The following CTNND2 variants were observed in gnomAD, a reference collection of about 807,000 sequenced individuals.
CTNND2 encodes catenin delta 2.
In CTNND2, 22 loss-of-function variants were observed where a neutral mutation model predicts 144.4. That is an observed-to-expected ratio of 0.15 (90% CI 0.11 to 0.22). The LOEUF (loss-of-function observed/expected upper bound fraction) is 0.22. CTNND2 is among the 10% of genes least tolerant of loss of function. The pLI is 1.00. For synonymous variants in CTNND2, 751 were observed against 695.6 expected, an observed-to-expected ratio of 1.08 and a Z score of -1.25; for missense variants, 1,353 against 1,618.8, an observed-to-expected ratio of 0.84 and a Z score of 2.82.
chr5:11,142,209 C>G (rs1756802322), intron 12 of CTNND2, among the ~76,000 whole-genome samples: 2 of 152,266 alleles, frequency 1.3e-5, no homozygotes, highest in East Asian at 3.9e-4. Flanking sequence ...ATAACTTGCT[C>G]AAATGAAAAG....
chr5:11,571,018 G>A (rs1055718687), intron 2 of CTNND2, among the ~76,000 whole-genome samples: 2 of 151,420 alleles, frequency 1.3e-5, no homozygotes, highest in African/African-American at 4.9e-5. Context: ...ATAATTCATT[G>A]CTATTATTAT....
chr5:11,792,716 T>C (rs867231221), intron 1 of CTNND2, among the ~76,000 whole-genome samples: 36 of 152,346 alleles, frequency 2.4e-4, no homozygotes, highest in African/African-American at 7.2e-4. Flanking sequence ...CTTTTAATTA[T>C]CAAATTCCAT....
intron 3 of CTNND2, among the ~76,000 whole-genome samples, chr5:11,509,111 A>G (rs1771378174): frequency 6.6e-6 from 1 of 152,192 alleles, no homozygotes; most frequent in Non-Finnish European, 1.5e-5. Flanking sequence ...AAACCCAATC[A>G]ACTGCTTTAA....
chr5:11,860,388 T>C (rs1248178723), intron 1 of CTNND2, among the ~76,000 whole-genome samples: 1 of 152,238 alleles, frequency 6.6e-6, no homozygotes, highest in East Asian at 1.9e-4. Flanking sequence ...TTTTAAAAGA[T>C]ACATAATCCC....
chr5:11,433,649 G>A (rs1441611689), intron 3 of CTNND2, among the ~76,000 whole-genome samples: 3 of 152,108 alleles, frequency 2.0e-5, no homozygotes, highest in Admixed American at 2.0e-4. Flanking sequence ...GGTGTGGGTA[G>A]GTGCCACACA....
At chr5:11,129,041 ATTATATATAAATAAAATATATATT>A (rs1755129899) in intron 12 of CTNND2, among the ~76,000 whole-genome samples, 9 of 30,738 alleles carry the variant, frequency 2.9e-4, no homozygotes, top group African/African-American at 6.3e-4. Context: ...ATAAATATAT[ATTATATATAAATAAAATATATATT>A]TTATATATAA....
At chr5:11,417,985 A>G (rs1762054560) in intron 3 of CTNND2, among the ~76,000 whole-genome samples, 1 of 152,194 alleles carries the variant, frequency 6.6e-6, no homozygotes, top group Non-Finnish European at 1.5e-5. Flanking sequence ...GAAAATGCAT[A>G]TTATGAAAAA....
intron 16 of CTNND2, among the ~76,000 whole-genome samples, chr5:11,044,563 T>A (rs1054556076): frequency 4.6e-5 from 7 of 150,578 alleles, no homozygotes; most frequent in Admixed American, 2.0e-4. Context: ...TATATATATA[T>A]AAATGGGTTG....
chr5:11,699,579 C>T (rs1441089793), intron 2 of CTNND2, among the ~76,000 whole-genome samples: 2 of 151,884 alleles, frequency 1.3e-5, no homozygotes, highest in African/African-American at 2.4e-5. Context: ...TAATATTCCT[C>T]GGGGATATCA....
At position 11,903,267 on chromosome 5, in the gene CTNND2, G is replaced by A. The variant is rs1336292091; in HGVS notation, c.37+550C>T. The stretch of plus-strand genomic sequence containing the variant: ...GAAGCCGGCTGCAAAGGCTTGCTGG[G>A]AAGCCGCTAAATATAGACCAAGGGG... On this transcript the variant is annotated intron_variant, in intron 1 of 21. Coordinates refer to ENST00000304623, the MANE Select transcript of CTNND2 (RefSeq NM_001332.4). The surrounding 1 kb of genome is among the most constrained non-coding windows in gnomAD (Gnocchi z 5.4). 1.0e-6 allele frequency: 1 copy of A among 985,502 alleles called. No individual in the cohort carries two copies. Among genetic ancestry groups the A allele is most frequent in the Non-Finnish European group, 1.2e-6 (1 of 829,986 alleles). 61.0% of individuals were successfully genotyped at this position (985,502 alleles called of 1,614,324 possible). A position where few individuals can be genotyped will look rare whatever the true frequency, so the allele number is the denominator to read the frequency against.
Position 11,790,114 on chromosome 5 carries a change from T to C in CTNND2, c.38-57842A>G, listed in dbSNP as rs192873560. Among the ~76,000 whole-genome samples, 184 of 152,332 alleles carry C rather than the reference T, an allele frequency of 1.2e-3. 1 individual carries two copies. Among genetic ancestry groups the C allele is most frequent in the Middle Eastern group, 6.8e-3 (2 of 294 alleles). Reference sequence around the variant, plus strand: ...ATTGAATTTGCTCCAGTGTTTAAAATTGAGCTGGACCTATCATTTCATTTA... The same window carrying C: ...ATTGAATTTGCTCCAGTGTTTAAAACTGAGCTGGACCTATCATTTCATTTA... On this transcript the variant is annotated intron_variant, in intron 1 of 21. Coordinates refer to ENST00000304623, the MANE Select transcript of CTNND2 (RefSeq NM_001332.4).
chr5:11,104,739 A>G (rs1752248665), intron 14 of CTNND2, among the ~76,000 whole-genome samples: 2 of 152,176 alleles, frequency 1.3e-5, no homozygotes, highest in South Asian at 4.1e-4. Flanking sequence ...GAGGCTGTGC[A>G]AAGAGGGGAT....
In CTNND2 at chr5:11,204,218, T is replaced by C. The variant is rs543796651; in HGVS notation, c.1762-4557A>G. ...AAAACTATGCCCTGCCTGTCTTTTGTTTTGTTTTTGGGTTGTTTACAGTGA... is the reference window on the plus strand; with the variant it reads ...AAAACTATGCCCTGCCTGTCTTTTGCTTTGTTTTTGGGTTGTTTACAGTGA... On this transcript the variant is annotated intron_variant, in intron 10 of 21. Coordinates refer to ENST00000304623, the MANE Select transcript of CTNND2 (RefSeq NM_001332.4). Among the ~76,000 whole-genome samples, 3 of 152,304 alleles carry C rather than the reference T, an allele frequency of 2.0e-5. No individual in the cohort carries two copies. The East Asian group carries it at 5.8e-4, about 29-fold the overall frequency.
At chr5:11,793,811 A>G (rs996812739) in intron 1 of CTNND2, among the ~76,000 whole-genome samples, 1 of 152,240 alleles carries the variant, frequency 6.6e-6, no homozygotes, top group Non-Finnish European at 1.5e-5. Context: ...CAGTCTATCA[A>G]CCAATCACAT....
rs542361647 is a variant in CTNND2 at position 11,482,474 on chromosome 5, T to C, written c.288-70405A>G. Among the ~76,000 whole-genome samples, 92 of 152,272 alleles carry C rather than the reference T, an allele frequency of 6.0e-4. 1 individual carries two copies. Among genetic ancestry groups the C allele is most frequent in the African/African-American group, 2.1e-3 (89 of 41,548 alleles). The stretch of plus-strand genomic sequence containing the variant: ...TGCCCTTTATATGCTGACACTGTTC[T>C]AGGTGCTGGGAATGAAGTAGTGAAT... On this transcript the variant is annotated intron_variant, in intron 3 of 21. Coordinates refer to ENST00000304623, the MANE Select transcript of CTNND2 (RefSeq NM_001332.4).
At chr5:11,129,139 ATT>A (rs1481305677) in intron 12 of CTNND2, among the ~76,000 whole-genome samples, 3,585 of 32,546 alleles carry the variant, frequency 0.11, 544 homozygotes, top group East Asian at 0.35. Context: ...ATTTATATAT[ATT>A]ATATATAAAA....
At chr5:11,582,485 C>T (rs767283078) in intron 2 of CTNND2, among the ~76,000 whole-genome samples, 2 of 152,124 alleles carry the variant, frequency 1.3e-5, no homozygotes, top group Non-Finnish European at 2.9e-5. Flanking sequence ...CTTTTGGCAC[C>T]ACATAAATGC....
chr5:11,085,325 A>C (rs1750014774), intron 15 of CTNND2, among the ~76,000 whole-genome samples: 1 of 152,238 alleles, frequency 6.6e-6, no homozygotes, highest in African/African-American at 2.4e-5. Flanking sequence ...TGAGACATAG[A>C]AAATAGCTTT....
chr5:11,749,244 GACTC>G (rs1365865229), intron 1 of CTNND2, among the ~76,000 whole-genome samples: 1 of 152,008 alleles, frequency 6.6e-6, no homozygotes, highest in Non-Finnish European at 1.5e-5. Flanking sequence ...CTAGATTCTT[GACTC>G]ACAGAATCCA....
Sources: allele counts gnomAD v4.1 joint callset (sites outside exome capture counted in the v4.1 genomes callset), GRCh38; gene constraint gnomAD v4.1.1; non-coding constraint Gnocchi (gnomAD v3.1); transcripts MANE v1.5; gene names NCBI Gene and HGNC (gene_info 2026-07-23, HGNC 2026-07-21).